Variants in RCSD1 observed in about 807,000 individuals in gnomAD.
The protein encoded by RCSD1 is RCSD domain containing 1, also known as capZ-interacting protein.
RCSD1 carries 26 observed loss-of-function variants against 42.5 expected under a neutral mutation model. The observed-to-expected ratio is 0.61, with a 90% CI of 0.45 to 0.85. The LOEUF (loss-of-function observed/expected upper bound fraction) is 0.85, where lower values mean the gene tolerates loss of function less well. Ranked by LOEUF, RCSD1 falls within the 40% of genes least tolerant of loss-of-function variation. The pLI is 0.00. For synonymous variants in RCSD1, 220 were observed against 212.2 expected (o/e 1.04, Z -0.32); for missense variants, 571 against 528.3 (o/e 1.08, Z -0.79).
intron 1 of RCSD1, among the ~76,000 whole-genome samples, chr1:167,680,431 C>A (rs1477564306): frequency 2.0e-5 from 3 of 150,840 alleles, no homozygotes; most frequent in African/African-American, 7.3e-5. Flanking sequence ...GAGGAAGAAA[C>A]CAACCTTAGA....
chr1:167,670,357 G>GAAAAA lies in RCSD1; in HGVS notation c.7-13531_7-13527dup, dbSNP rs58634704. Among the ~76,000 whole-genome samples, 9 of 132,350 alleles carry GAAAAA rather than the reference G, an allele frequency of 6.8e-5. 1 individual carries two copies. The highest frequency in any genetic ancestry group is 4.9e-5 in the Non-Finnish European group (3 of 61,708). The allele number at this position is 132,350 out of a possible 152,430, so 86.8% of individuals were successfully genotyped here. ...TTTCCCACTCTTTCCCTTTGCAAAAGAAAAAAAAAAAAAAAACCACTCGAG... is the reference window on the plus strand; with the variant it reads ...TTTCCCACTCTTTCCCTTTGCAAAAGAAAAAAAAAAAAAAAAAAAAACCACTCGAG... On this transcript the variant is annotated intron_variant, in intron 1 of 6. Transcript: ENST00000367854.
chr1:167,663,346 T>C (rs1658580802), intron 1 of RCSD1: 1 of 152,286 alleles, frequency 6.6e-6, no homozygotes, highest in South Asian at 2.1e-4. Flanking sequence ...TGAGGCCAGC[T>C]GCACTAGCCA....
intron 2 of RCSD1, among the ~76,000 whole-genome samples, chr1:167,684,851 G>T (rs1659185434): frequency 1.3e-5 from 2 of 152,190 alleles, no homozygotes; most frequent in Non-Finnish European, 2.9e-5. Context: ...TCCAGCCCGG[G>T]CAACAAGAGC....
chr1:167,687,957 T>C (rs930511599), intron 3 of RCSD1, among the ~76,000 whole-genome samples: 1 of 152,230 alleles, frequency 6.6e-6, no homozygotes, highest in Non-Finnish European at 1.5e-5. Context: ...AATTAGTCCG[T>C]AGTTTCTAGA....
chr1:167,665,198 A>G (rs1412509577), intron 1 of RCSD1, among the ~76,000 whole-genome samples: 1 of 152,196 alleles, frequency 6.6e-6, no homozygotes, highest in Non-Finnish European at 1.5e-5. Context: ...AAAGAATGTT[A>G]TGTAAATAGA....
chr1:167,701,781 C>A (rs1294831927), intron 6 of RCSD1, among the ~76,000 whole-genome samples: 1 of 152,200 alleles, frequency 6.6e-6, no homozygotes, highest in African/African-American at 2.4e-5. Context: ...GCACTGTCTC[C>A]AGTCCTCCCT....
At chr1:167,674,783 C>T (rs1658899228) in intron 1 of RCSD1, among the ~76,000 whole-genome samples, 1 of 152,204 alleles carries the variant, frequency 6.6e-6, no homozygotes, top group South Asian at 2.1e-4. Flanking sequence ...AGGTTTATCA[C>T]ATTTACTATG....
In RCSD1 at chr1:167,705,550, C is replaced by T. The variant is rs927180419; in HGVS notation, c.*854C>T. On this transcript the variant is annotated 3_prime_UTR_variant, in exon 7 of 7. Transcript: ENST00000367854. ...TGATACCTGAATAATGCTGGCTCTC[C>T]GATTGATCCTGTGAGGATGAATTTG... 5.3e-5 allele frequency: 8 copies of T among 152,156 alleles called. No individual in the cohort carries two copies. The highest frequency in any genetic ancestry group is 1.9e-4 in the East Asian group (1 of 5,204). 9.4% of individuals were successfully genotyped at this position (152,156 alleles called of 1,614,324 possible).
chr1:167,645,466 T>G (rs529585546), intron 1 of RCSD1, among the ~76,000 whole-genome samples: 3 of 152,184 alleles, frequency 2.0e-5, no homozygotes, highest in Non-Finnish European at 4.4e-5. Context: ...GGACACAGGA[T>G]ATGCTAAAGT....
intron 5 of RCSD1, among the ~76,000 whole-genome samples, chr1:167,696,116 G>A (rs1022630592): frequency 2.0e-5 from 3 of 151,828 alleles, no homozygotes; most frequent in African/African-American, 7.3e-5. Flanking sequence ...GAGGAAGCTG[G>A]TCACCAGGTC....
At chr1:167,684,065 A>G in intron 2 of RCSD1, 64 bp downstream of exon 2, 1 of 1,369,300 alleles carries the variant, frequency 7.3e-7, no homozygotes, top group Non-Finnish European at 1.0e-6. Flanking sequence ...AAATCTGGTC[A>G]GGCCCAGCGG....
At chr1:167,673,227 T>G (rs1054747785) in intron 1 of RCSD1, among the ~76,000 whole-genome samples, 1 of 152,216 alleles carries the variant, frequency 6.6e-6, no homozygotes, top group Non-Finnish European at 1.5e-5. Flanking sequence ...ATGACAATGA[T>G]TCCTTTTTAA....
At chr1:167,656,041 G>T (rs1436730871) in intron 1 of RCSD1, among the ~76,000 whole-genome samples, 1 of 152,136 alleles carries the variant, frequency 6.6e-6, no homozygotes, top group African/African-American at 2.4e-5. Flanking sequence ...GATTTATGGA[G>T]CCTCACATCT....
At chr1:167,676,327 A>T (rs1435292371) in intron 1 of RCSD1, among the ~76,000 whole-genome samples, 1 of 152,194 alleles carries the variant, frequency 6.6e-6, no homozygotes, top group African/African-American at 2.4e-5. Flanking sequence ...CCTGCCATCC[A>T]TGGAAGAAGG....
intron 4 of RCSD1, among the ~76,000 whole-genome samples, chr1:167,693,620 AT>A (rs556232647): frequency 7.0e-4 from 107 of 152,246 alleles, no homozygotes; most frequent in Middle Eastern, 3.4e-3. Context: ...TACTTTCTTG[AT>A]TGTGCAATGA....
chr1:167,634,564 A>T (rs1657785194), intron 1 of RCSD1, among the ~76,000 whole-genome samples: 1 of 152,222 alleles, frequency 6.6e-6, no homozygotes, highest in South Asian at 2.1e-4. Flanking sequence ...AAGGAGCTGG[A>T]GGCGTATGAT....
At chr1:167,633,994 G>A (rs1657766619) in intron 1 of RCSD1, among the ~76,000 whole-genome samples, 1 of 152,204 alleles carries the variant, frequency 6.6e-6, no homozygotes, top group South Asian at 2.1e-4. Flanking sequence ...TCCATACAAA[G>A]CCTTTTGCAG....
chr1:167,694,139 C>A lies in RCSD1; in HGVS notation c.311C>A (p.Ala104Asp), dbSNP rs1170586678. 6.2e-7 allele frequency: 1 copy of A among 1,614,202 alleles called. No homozygotes were observed. The highest frequency in any genetic ancestry group is 8.5e-7 in the Non-Finnish European group (1 of 1,180,032). Reference sequence around the variant, plus strand: ...GACCCAGCTGCTCTACTGCCTGGGGCCTCACCCAAGAGTCCTGGACTCAAG... The same window carrying A: ...GACCCAGCTGCTCTACTGCCTGGGGACTCACCCAAGAGTCCTGGACTCAAG... ...TFDPAALLPG[A>D]SPKSPGLKAM... Residue 104 changes from alanine (A) to aspartate (D), a missense_variant, in exon 5 of 7, where the codon GCC becomes GAC. Coordinates refer to ENST00000367854, the MANE Select transcript of RCSD1 (RefSeq NM_052862.4).
intron 1 of RCSD1, among the ~76,000 whole-genome samples, chr1:167,682,668 AGTGTGT>A (rs10607777): frequency 0.035 from 5,041 of 142,664 alleles, 265 homozygotes; most frequent in African/African-American, 0.12. Context: ...GCCATGGAAG[AGTGTGT>A]GTGTGTGTGT....
Sources: allele counts gnomAD v4.1 joint callset (sites outside exome capture counted in the v4.1 genomes callset), GRCh38; gene constraint gnomAD v4.1.1; transcripts MANE v1.5; gene names NCBI Gene and HGNC (gene_info 2026-07-23, HGNC 2026-07-21).